The following NREP variants were observed in gnomAD, a reference collection of about 807,000 sequenced individuals.
NREP encodes the protein neuronal regeneration related protein.
NREP carries 5 observed loss-of-function variants against 8.6 expected under a neutral mutation model. The observed-to-expected ratio is 0.58, with a 90% CI of 0.30 to 1.22. NREP has a LOEUF of 1.22. NREP is among the 50% of genes most tolerant of loss of function. NREP has a pLI of 0.07. For missense variants in NREP, 86 were observed against 82.5 expected, an observed-to-expected ratio of 1.04 and a Z score of -0.17; for synonymous variants, 27 against 28.0, an observed-to-expected ratio of 0.96 and a Z score of 0.11.
intron 2 of NREP, among the ~76,000 whole-genome samples, chr5:111,887,749 G>A (rs1030736241): frequency 6.6e-5 from 10 of 152,266 alleles, no homozygotes; most frequent in South Asian, 6.2e-4. Context: ...AAGTGCTGAC[G>A]TGTCCATGGG....
At chr5:111,771,352 A>G (rs772810961) in intron 2 of NREP, among the ~76,000 whole-genome samples, 9 of 152,086 alleles carry the variant, frequency 5.9e-5, no homozygotes, top group Non-Finnish European at 1.0e-4. Context: ...TCTGCCTGAG[A>G]TCACACACAG....
intron 2 of NREP, among the ~76,000 whole-genome samples, chr5:111,845,200 C>G (rs1753130639): frequency 6.6e-6 from 1 of 152,064 alleles, no homozygotes; most frequent in African/African-American, 2.4e-5. Context: ...TTATCTGTCT[C>G]CATACTGCAC....
intron 2 of NREP, among the ~76,000 whole-genome samples, chr5:111,936,018 G>A (rs1755671291): frequency 1.3e-5 from 2 of 152,004 alleles, no homozygotes; most frequent in Admixed American, 6.6e-5. Context: ...TGGGATCCTC[G>A]GTGCCCCATG....
intron 2 of NREP, among the ~76,000 whole-genome samples, chr5:111,841,493 TA>T (rs1429407656): frequency 6.6e-6 from 1 of 152,144 alleles, no homozygotes; most frequent in Non-Finnish European, 1.5e-5. Flanking sequence ...ACCAATAGGA[TA>T]TAAGGCCAGG....
At chr5:111,914,114 G>A (rs1448629524) in intron 2 of NREP, among the ~76,000 whole-genome samples, 2 of 152,056 alleles carry the variant, frequency 1.3e-5, no homozygotes, top group East Asian at 3.9e-4. Context: ...CTTACTTTAG[G>A]TCCATAGATC....
intron 2 of NREP, among the ~76,000 whole-genome samples, chr5:111,879,846 AG>A (rs1754005776): frequency 6.6e-6 from 1 of 152,170 alleles, no homozygotes; most frequent in Non-Finnish European, 1.5e-5. Context: ...AGAGAAAAAA[AG>A]ACAGTGCAAG....
chr5:111,801,756 C>A (rs975591722), intron 2 of NREP, among the ~76,000 whole-genome samples: 1 of 152,022 alleles, frequency 6.6e-6, no homozygotes, highest in Non-Finnish European at 1.5e-5. Context: ...CAAAGATGAA[C>A]AATAAAATTT....
Position 111,948,494 on chromosome 5 carries a change from T to A in NREP, c.135+26780A>T, listed in dbSNP as rs1317781549. Among the ~76,000 whole-genome samples the A allele has an allele frequency of 3.9e-5, 6 of 152,254 alleles. No individual in the cohort carries two copies. The South Asian group carries it at 1.2e-3, about 32-fold the overall frequency. On this transcript the variant is annotated intron_variant, in intron 2 of 3. Transcript: ENST00000395634. ...TATATCAACTATCTACAGGCTAGAA[T>A]CTATCCTGAATATTTCAATTCTATT... is the stretch of plus-strand genomic sequence containing the variant.
chr5:111,756,031 G>A, intron 1 of NREP: 1 of 1,347,372 alleles, frequency 7.4e-7, no homozygotes, highest in Middle Eastern at 2.8e-4. Context: ...AGGAATCCCT[G>A]GTACTTGGCT....
At chr5:111,797,001 G>C (rs1225349827) in intron 2 of NREP, among the ~76,000 whole-genome samples, 1 of 151,952 alleles carries the variant, frequency 6.6e-6, no homozygotes, top group Non-Finnish European at 1.5e-5. Context: ...GAGGAATAGT[G>C]GAGTCTTGGG....
intron 2 of NREP, among the ~76,000 whole-genome samples, chr5:111,927,736 C>T (rs1347322796): frequency 1.3e-5 from 2 of 152,128 alleles, no homozygotes; most frequent in Non-Finnish European, 2.9e-5. Context: ...ACTACCCTGC[C>T]CACTTTTTTC....
intron 2 of NREP, 60 bp downstream of exon 2, chr5:111,755,710 A>G (rs1750657661): frequency 2.5e-6 from 4 of 1,578,230 alleles, no homozygotes; most frequent in Non-Finnish European, 3.5e-6. Context: ...GGTGGTTGAT[A>G]TTTATATGTA....
At chr5:111,798,516 C>G (rs893576506) in intron 2 of NREP, among the ~76,000 whole-genome samples, 1 of 151,972 alleles carries the variant, frequency 6.6e-6, no homozygotes, top group Non-Finnish European at 1.5e-5. Context: ...TCCTTGCCAC[C>G]CCCAACTCTT....
At chr5:111,886,734 A>C (rs957017210) in intron 2 of NREP, among the ~76,000 whole-genome samples, 2 of 150,258 alleles carry the variant, frequency 1.3e-5, no homozygotes, top group African/African-American at 2.5e-5. Context: ...AAAAAACCAA[A>C]CACCGCATAT....
intron 2 of NREP, among the ~76,000 whole-genome samples, chr5:111,887,435 C>G (rs1224449473): frequency 2.6e-5 from 4 of 152,110 alleles, no homozygotes; most frequent in Non-Finnish European, 5.9e-5. Flanking sequence ...ACTGTATCCC[C>G]AAGATTACAA....
chr5:111,891,150 A>C (rs991307949), intron 2 of NREP, among the ~76,000 whole-genome samples: 15 of 152,230 alleles, frequency 9.9e-5, no homozygotes, highest in African/African-American at 3.6e-4. Flanking sequence ...TGTCTAGAAC[A>C]CTTGGCTGCT....
chr5:111,851,526 G>T (rs1246734799), intron 2 of NREP, among the ~76,000 whole-genome samples: 2 of 152,078 alleles, frequency 1.3e-5, no homozygotes, highest in Admixed American at 6.6e-5. Context: ...TTCTTTATCC[G>T]TTGATCTGTT....
intron 2 of NREP, among the ~76,000 whole-genome samples, chr5:111,788,513 G>C (rs1751666887): frequency 6.6e-6 from 1 of 152,192 alleles, no homozygotes; most frequent in African/African-American, 2.4e-5. Flanking sequence ...TCAAGCCAGA[G>C]CATGAAGTCA....
chr5:111,850,719 C>T (rs534223606), intron 2 of NREP, among the ~76,000 whole-genome samples: 1 of 152,130 alleles, frequency 6.6e-6, no homozygotes, highest in Non-Finnish European at 1.5e-5. Flanking sequence ...TCTTCCTTTA[C>T]TACCCTTTTT....
Sources: gnomAD v4.1 joint callset for allele counts (sites outside exome capture counted in the v4.1 genomes callset) on GRCh38, gnomAD v4.1.1 for gene constraint, MANE v1.5 for transcripts, NCBI Gene and HGNC (gene_info 2026-07-23, HGNC 2026-07-21) for gene names.